BMPR1B: variants seen among roughly 807,000 people sequenced by gnomAD.
BMPR1B encodes the protein bone morphogenetic protein receptor type-1B.
In BMPR1B, 12 loss-of-function variants were observed where a neutral mutation model predicts 59.1. The ratio of observed to expected loss-of-function variants is 0.20; its 90% CI spans 0.13 to 0.33. BMPR1B has a LOEUF of 0.33. Among genes scored for constraint, BMPR1B ranks in the 10% least tolerant of loss-of-function variants. The probability of loss-of-function intolerance (pLI) is 1.00; values close to 1 mark genes in which losing one functional copy is unlikely to be tolerated. For synonymous variants in BMPR1B, 237 were observed against 207.3 expected (o/e 1.14, Z -1.23); for missense variants, 550 against 610.9 (o/e 0.90, Z 1.05).
chr4:95,019,383 C>T (rs1723809763), intron 3 of BMPR1B, among the ~76,000 whole-genome samples: 1 of 152,128 alleles, frequency 6.6e-6, no homozygotes, highest in Non-Finnish European at 1.5e-5. Context: ...ATAAATGGAA[C>T]TGCTTTACTT....
intron 2 of BMPR1B, among the ~76,000 whole-genome samples, chr4:94,924,644 A>T (rs920004380): frequency 1.3e-5 from 2 of 152,104 alleles, no homozygotes; most frequent in Non-Finnish European, 2.9e-5. Flanking sequence ...CCTTCTGAGT[A>T]TTCATAAATT....
chr4:94,889,044 A>G (rs1225597204), intron 2 of BMPR1B, among the ~76,000 whole-genome samples: 1 of 151,952 alleles, frequency 6.6e-6, no homozygotes, highest in Non-Finnish European at 1.5e-5. Context: ...TTAAATATAT[A>G]CTGGAGCCTC....
intron 1 of BMPR1B, among the ~76,000 whole-genome samples, chr4:94,774,649 C>G (rs1181984971): frequency 2.6e-5 from 4 of 152,010 alleles, no homozygotes; most frequent in African/African-American, 9.7e-5. Context: ...TAATCTCATT[C>G]CTGTTGACTC....
At chr4:94,914,146 A>C (rs1462490711) in intron 2 of BMPR1B, among the ~76,000 whole-genome samples, 1 of 152,112 alleles carries the variant, frequency 6.6e-6, no homozygotes, top group Non-Finnish European at 1.5e-5. Flanking sequence ...GAAGTGGACA[A>C]ATTTGAAGGA....
At chr4:94,799,194 T>A (rs1174950943) in intron 1 of BMPR1B, among the ~76,000 whole-genome samples, 3 of 149,926 alleles carry the variant, frequency 2.0e-5, no homozygotes, top group Non-Finnish European at 4.4e-5. Flanking sequence ...TGTGTTGCTC[T>A]CTTGATGCAG....
chr4:94,852,606 C>T (rs997937747), intron 1 of BMPR1B, among the ~76,000 whole-genome samples: 2 of 152,008 alleles, frequency 1.3e-5, no homozygotes, highest in Admixed American at 6.6e-5. Context: ...TTTACAGGGT[C>T]GTGAAAATTA....
At chr4:95,106,602 A>G (rs974439377) in intron 4 of BMPR1B, among the ~76,000 whole-genome samples, 2 of 152,048 alleles carry the variant, frequency 1.3e-5, no homozygotes, top group African/African-American at 4.8e-5. Flanking sequence ...TTAATGAAAG[A>G]GGACAGATGA....
At chr4:94,976,003 G>A (rs1731019119) in intron 2 of BMPR1B, among the ~76,000 whole-genome samples, 1 of 152,212 alleles carries the variant, frequency 6.6e-6, no homozygotes, top group South Asian at 2.1e-4. Context: ...AGGAATTTGT[G>A]TAGGGTTTGG....
chr4:94,796,723 T>C (rs923716555), intron 1 of BMPR1B, among the ~76,000 whole-genome samples: 2 of 152,190 alleles, frequency 1.3e-5, no homozygotes, highest in Admixed American at 1.3e-4. Context: ...GTGTCTTTGC[T>C]GAGCTTCCTC....
intron 2 of BMPR1B, among the ~76,000 whole-genome samples, chr4:94,906,277 G>A (rs1728037541): frequency 1.3e-5 from 2 of 152,008 alleles, no homozygotes; most frequent in Admixed American, 1.3e-4. Context: ...CCTTGAAAAT[G>A]CCCTTGGAGA....
chr4:94,875,542 T>C lies in BMPR1B; in HGVS notation c.-182-289T>C, dbSNP rs900205406. 9.2e-5 allele frequency among the ~76,000 whole-genome samples: 14 copies of C among 152,116 alleles called. 1 individual carries two copies. The highest frequency in any genetic ancestry group is 4.2e-4 in the South Asian group (2 of 4,818). On this transcript the variant is annotated intron_variant, in intron 1 of 12. Coordinates refer to ENST00000515059, the MANE Select transcript of BMPR1B (RefSeq NM_001203.3). The stretch of plus-strand genomic sequence containing the variant: ...TACTAAAAATACAAAAAATTAGCCA[T>C]GTGTAGTGGCGGGCACCTGCAGTCC...
chr4:94,936,302 C>G (rs1729295782), intron 2 of BMPR1B, among the ~76,000 whole-genome samples: 3 of 152,026 alleles, frequency 2.0e-5, no homozygotes, highest in Non-Finnish European at 2.9e-5. Flanking sequence ...GGTGTAAGAC[C>G]AGTAATTTGA....
intron 4 of BMPR1B, among the ~76,000 whole-genome samples, chr4:95,107,680 C>T (rs1270827807): frequency 1.3e-5 from 2 of 152,036 alleles, no homozygotes; most frequent in African/African-American, 4.8e-5. Flanking sequence ...TTCCGAGGCT[C>T]TAAAAAGTTA....
At chr4:94,981,031 G>T (rs1340748030) in intron 2 of BMPR1B, among the ~76,000 whole-genome samples, 4 of 72,572 alleles carry the variant, frequency 5.5e-5, no homozygotes, top group Non-Finnish European at 1.2e-4. Context: ...ACAAAAAGTA[G>T]AAGTTGTCAT....
chr4:95,131,352 T>A lies in BMPR1B; in HGVS notation c.916T>A (p.Tyr306Asn). The A allele has an allele frequency of 6.2e-7, 1 of 1,614,106 alleles. No individual in the cohort carries two copies. Residue 306 changes from tyrosine (Y) to asparagine (N), a missense_variant, in exon 10 of 13, where the codon TAC becomes AAC. Tyr to Asn is a moderately radical substitution (Grantham distance 143). Transcript: ENST00000515059. The stretch of plus-strand genomic sequence containing the variant: ...CGCTAAATCAATGCTGAAGTTAGCC[T>A]ACTCTTCTGTCAGTGGCTTATGTCA... ...LDAKSMLKLA[Y>N]SSVSGLCHLH...
In BMPR1B at chr4:94,962,056, T is replaced by C. The variant is rs192691784; in HGVS notation, c.-112-33984T>C. Among the ~76,000 whole-genome samples the C allele has an allele frequency of 1.9e-3, 285 of 147,014 alleles. 1 individual carries two copies. The highest frequency in any genetic ancestry group is 2.7e-3 in the Non-Finnish European group (185 of 67,508). ...AACTAGATTTTATTCTTTCTTTCTT[T>C]CTTTTCTTTCTTTTCTTTCCTTCCT... On this transcript the variant is annotated intron_variant, in intron 2 of 12. Transcript: ENST00000515059.
rs536397315 is a variant in BMPR1B, at chr4:95,080,511, C to T, written c.-17-23897C>T. 7.9e-5 allele frequency among the ~76,000 whole-genome samples: 12 copies of T among 152,276 alleles called. No homozygotes were observed. In the South Asian group the frequency reaches 2.5e-3, roughly 32 times the overall value. On this transcript the variant is annotated intron_variant, in intron 3 of 12. Transcript: ENST00000515059. ...TTGGCCTCCTAAAGTGCTGGGATTA[C>T]AGGCGTGAGCCACCACACCTGGCCT...
chr4:94,770,196 T>TTTTTTTTTTTTTTTTTTG (rs1722132659), intron 1 of BMPR1B, among the ~76,000 whole-genome samples: 1 of 147,686 alleles, frequency 6.8e-6, no homozygotes, highest in African/African-American at 2.5e-5. Flanking sequence ...GTTTTTTTTT[T>TTTTTTTTTTTTTTTTTTG]TTTTTTTTGC....
At chr4:95,037,232 T>C (rs1725323034) in intron 3 of BMPR1B, among the ~76,000 whole-genome samples, 1 of 152,156 alleles carries the variant, frequency 6.6e-6, no homozygotes, top group Non-Finnish European at 1.5e-5. Flanking sequence ...GCTAAGTGGT[T>C]GCAAAGAATG....
Sources: allele counts gnomAD v4.1 joint callset (sites outside exome capture counted in the v4.1 genomes callset), GRCh38; gene constraint gnomAD v4.1.1; transcripts MANE v1.5; gene names NCBI Gene and HGNC (gene_info 2026-07-23, HGNC 2026-07-21).